GRM8: variants seen among roughly 807,000 people sequenced by gnomAD.
The protein encoded by GRM8 is metabotropic glutamate receptor 8.
A neutral mutation model predicts 87.2 loss-of-function variants in GRM8; 47 were observed. The ratio of observed to expected loss-of-function variants is 0.54; its 90% CI spans 0.43 to 0.69. The LOEUF (loss-of-function observed/expected upper bound fraction) is 0.69. GRM8 is among the 30% of genes least tolerant of loss of function. The pLI is 0.00. For synonymous variants in GRM8, 396 were observed against 404.5 expected, an observed-to-expected ratio of 0.98 and a Z score of 0.25; for missense variants, 1,019 against 1,139.2, an observed-to-expected ratio of 0.89 and a Z score of 1.52.
intron 2 of GRM8, among the ~76,000 whole-genome samples, chr7:127,107,334 C>A (rs1825903946): frequency 6.6e-6 from 1 of 152,150 alleles, no homozygotes; most frequent in South Asian, 2.1e-4. Flanking sequence ...ATCATTCTAA[C>A]CCCCTTCAAA....
At chr7:127,167,825 C>T (rs1325972931) in intron 2 of GRM8, among the ~76,000 whole-genome samples, 1 of 152,090 alleles carries the variant, frequency 6.6e-6, no homozygotes, top group Non-Finnish European at 1.5e-5. Context: ...CATACAATGG[C>T]TTCTAAGTGT....
chr7:126,606,769 G>C (rs1798396137), intron 8 of GRM8, among the ~76,000 whole-genome samples: 1 of 152,098 alleles, frequency 6.6e-6, no homozygotes, highest in Non-Finnish European at 1.5e-5. Context: ...AAATTGTTTT[G>C]ATACATTTTA....
chr7:126,816,467 T>A (rs1229258211), intron 6 of GRM8, among the ~76,000 whole-genome samples: 1 of 152,112 alleles, frequency 6.6e-6, no homozygotes, highest in Non-Finnish European at 1.5e-5. Context: ...AGTGTACCCA[T>A]AATGTAGGAA....
chr7:126,916,523 C>A (rs1022915834), intron 3 of GRM8, among the ~76,000 whole-genome samples: 4 of 152,220 alleles, frequency 2.6e-5, no homozygotes, highest in African/African-American at 9.6e-5. Context: ...AGGACATTCT[C>A]AACAGTATAT....
At chr7:126,769,783 G>T in intron 7 of GRM8, 82 bp downstream of exon 7, 1 of 857,968 alleles carries the variant, frequency 1.2e-6, no homozygotes, top group South Asian at 1.5e-5. Context: ...TTTCCACTCT[G>T]CCTGGGTATC....
chr7:126,985,083 C>T (rs1811918236), intron 3 of GRM8, among the ~76,000 whole-genome samples: 1 of 152,082 alleles, frequency 6.6e-6, no homozygotes, highest in Admixed American at 6.6e-5. Context: ...AGATCATTTA[C>T]TGAGCTTATT....
intron 8 of GRM8, among the ~76,000 whole-genome samples, chr7:126,578,557 C>T (rs938672940): frequency 6.6e-6 from 1 of 152,150 alleles, no homozygotes; most frequent in Admixed American, 6.5e-5. Flanking sequence ...TCTTCTTCCA[C>T]TCAACATTTA....
chr7:126,591,581 A>T (rs1796670058), intron 8 of GRM8, among the ~76,000 whole-genome samples: 1 of 152,034 alleles, frequency 6.6e-6, no homozygotes, highest in Admixed American at 6.6e-5. Flanking sequence ...TTCTTGAGAC[A>T]AACAAAAATG....
chr7:126,705,093 C>G (rs528090666), intron 7 of GRM8, among the ~76,000 whole-genome samples: 8 of 152,108 alleles, frequency 5.3e-5, no homozygotes, highest in Non-Finnish European at 8.8e-5. Context: ...CTCTTTTGTA[C>G]TCTGTCCCTT....
chr7:126,741,757 AAAT>A (rs1307467428), intron 7 of GRM8, among the ~76,000 whole-genome samples: 1 of 152,104 alleles, frequency 6.6e-6, no homozygotes, highest in Non-Finnish European at 1.5e-5. Flanking sequence ...TGTAAAATGG[AAAT>A]AATAGGAGCC....
chr7:126,916,730 CAG>C (rs1803945699), intron 3 of GRM8, among the ~76,000 whole-genome samples: 1 of 152,208 alleles, frequency 6.6e-6, no homozygotes, highest in Non-Finnish European at 1.5e-5. Context: ...AAACTGATAG[CAG>C]AAAGGTCATT....
chr7:126,844,124 C>A (rs1796508832), intron 6 of GRM8, among the ~76,000 whole-genome samples: 1 of 152,190 alleles, frequency 6.6e-6, no homozygotes, highest in African/African-American at 2.4e-5. Context: ...CAATTGGAAT[C>A]TACTGACATA....
chr7:126,494,842 G>T (rs960257022), intron 9 of GRM8, among the ~76,000 whole-genome samples: 1 of 151,990 alleles, frequency 6.6e-6, no homozygotes, highest in Non-Finnish European at 1.5e-5. Context: ...ACGCCTAAGA[G>T]TGTACAAAAT....
chr7:126,500,396 T>G (rs1809466619), intron 9 of GRM8, among the ~76,000 whole-genome samples: 1 of 151,908 alleles, frequency 6.6e-6, no homozygotes, highest in African/African-American at 2.4e-5. Flanking sequence ...AGAAGGGATT[T>G]TTCCCTTCCA....
In GRM8 at chr7:126,636,347, G is replaced by A. The variant is rs1801850192; in HGVS notation, c.1358-26849C>T. Among the ~76,000 whole-genome samples the A allele has an allele frequency of 2.6e-5, 4 of 151,908 alleles. 1 individual carries two copies. Among genetic ancestry groups the A allele is most frequent in the Non-Finnish European group, 5.9e-5 (4 of 67,944 alleles). The stretch of plus-strand genomic sequence containing the variant: ...GCCTCCCATGGATACCAAAATCCAA[G>A]GACACTCAAGTTCCCGATATAAAAT... On this transcript the variant is annotated intron_variant, in intron 7 of 10. Coordinates refer to ENST00000339582, the MANE Select transcript of GRM8 (RefSeq NM_000845.3).
chr7:127,051,550 C>A (rs949538233), intron 3 of GRM8, among the ~76,000 whole-genome samples: 1 of 151,796 alleles, frequency 6.6e-6, no homozygotes, highest in Non-Finnish European at 1.5e-5. Flanking sequence ...AAACTCACAC[C>A]AGTGCAAAAA....
rs920935567 is a variant in GRM8 at position 126,588,082 on chromosome 7, A to G, written c.1494+21280T>C. Among the ~76,000 whole-genome samples the G allele has an allele frequency of 1.4e-4, 21 of 152,316 alleles. No homozygotes were observed. The East Asian group carries it at 3.3e-3, about 24-fold the overall frequency. The stretch of plus-strand genomic sequence containing the variant: ...AATGTAATGGCTTCATCTAGAACTC[A>G]TATCTGATTTTTGAATCTAATGAAA... On this transcript the variant is annotated intron_variant, in intron 8 of 10. Coordinates refer to ENST00000339582, the MANE Select transcript of GRM8 (RefSeq NM_000845.3).
At chr7:126,620,751 C>A (rs932130654) in intron 7 of GRM8, among the ~76,000 whole-genome samples, 1 of 152,148 alleles carries the variant, frequency 6.6e-6, no homozygotes, top group Non-Finnish European at 1.5e-5. Flanking sequence ...TGAACGCAAA[C>A]ACTCATCATC....
At chr7:126,673,072 G>A (rs928221475) in intron 7 of GRM8, among the ~76,000 whole-genome samples, 6 of 152,170 alleles carry the variant, frequency 3.9e-5, no homozygotes, top group African/African-American at 7.2e-5. Flanking sequence ...CTGCGGTGGA[G>A]CCATGGAAGT....
Sources: gnomAD v4.1 joint callset for allele counts (sites outside exome capture counted in the v4.1 genomes callset) on GRCh38, gnomAD v4.1.1 for gene constraint, MANE v1.5 for transcripts, NCBI Gene and HGNC (gene_info 2026-07-23, HGNC 2026-07-21) for gene names.